The following RELN variants were observed in gnomAD, a reference collection of about 807,000 sequenced individuals.
RELN encodes the protein reelin.
RELN carries 108 observed loss-of-function variants against 427.6 expected under a neutral mutation model. The observed-to-expected ratio is 0.25, with a 90% CI of 0.22 to 0.30. The LOEUF is 0.30. Ranked by LOEUF, RELN falls within the 10% of genes least tolerant of loss-of-function variation. The pLI is 1.00. For synonymous variants in RELN, 1,524 were observed against 1,513.4 expected (o/e 1.01, Z -0.16); for missense variants, 3,715 against 4,302.8 (o/e 0.86, Z 3.82).
At chr7:103,791,750 T>C (rs1792166034) in intron 3 of RELN, among the ~76,000 whole-genome samples, 1 of 148,516 alleles carries the variant, frequency 6.7e-6, no homozygotes, top group African/African-American at 2.5e-5. Flanking sequence ...TTAAAACCTT[T>C]GTGCAACAAA....
chr7:103,736,622 T>TA (rs1308733916), intron 6 of RELN, among the ~76,000 whole-genome samples: 1 of 152,194 alleles, frequency 6.6e-6, no homozygotes, highest in Admixed American at 6.5e-5. Context: ...TTATTTGGGT[T>TA]AAAAATAACA....
At chr7:103,529,341 G>T (rs372095726) in intron 46 of RELN, among the ~76,000 whole-genome samples, 1 of 152,094 alleles carries the variant, frequency 6.6e-6, no homozygotes, top group Admixed American at 6.5e-5. Flanking sequence ...TAAAGAAGGT[G>T]GTATCAGTTA....
chr7:103,886,453 T>A (rs1047794229), intron 2 of RELN, among the ~76,000 whole-genome samples: 4 of 152,196 alleles, frequency 2.6e-5, no homozygotes, highest in African/African-American at 9.6e-5. Context: ...GATTCTGTAC[T>A]AACAAAAGGT....
In RELN at chr7:103,989,334, C is replaced by T. The variant is rs765261158; in HGVS notation, c.23G>A (p.Arg8Gln). Residue 8 changes from arginine (R) to glutamine (Q), a missense_variant, in exon 1 of 65, where the codon CGG (arginine) becomes CAG (glutamine). Arg to Gln is a conservative substitution (Grantham distance 43, BLOSUM62 1). Around this residue, in one of 4 missense-constraint regions of RELN, gnomAD observed 2,208 missense variants for 2,361.7 expected, o/e 0.93. Coordinates refer to ENST00000428762, the MANE Select transcript of RELN (RefSeq NM_005045.4). This position sits in a 1 kb window ranked among gnomAD's most constrained non-coding sequence, Gnocchi z 4.9. ...CAACAGCGCTAGGAGGAAAGTCTGC[C>T]GGGCCCAGCCACTGCGCTCCATGCC... MERSGWARQTFLLALLLG... is the reference protein window; with the variant it reads MERSGWAQQTFLLALLLG... 61 of 1,564,960 alleles carry T rather than the reference C, an allele frequency of 3.9e-5. No individual in the cohort carries two copies. The highest frequency in any genetic ancestry group is 4.8e-5 in the Non-Finnish European group (55 of 1,154,024).
At chr7:103,566,007 A>T (rs925053936) in intron 33 of RELN, among the ~76,000 whole-genome samples, 1 of 152,032 alleles carries the variant, frequency 6.6e-6, no homozygotes, top group Admixed American at 6.6e-5. Context: ...AACCTTACTC[A>T]TATCATTCAT....
At chr7:103,591,681 T>C (rs904865297) in intron 27 of RELN, among the ~76,000 whole-genome samples, 2 of 152,182 alleles carry the variant, frequency 1.3e-5, no homozygotes, top group African/African-American at 4.8e-5. Flanking sequence ...GCACACCTAG[T>C]TAACTTTTTG....
intron 10 of RELN, among the ~76,000 whole-genome samples, chr7:103,693,165 T>C (rs1439491558): frequency 2.0e-5 from 3 of 152,028 alleles, no homozygotes; most frequent in Non-Finnish European, 4.4e-5. Context: ...TATGCAGCCA[T>C]ATGGAAGGAT....
chr7:103,595,067 A>C (rs1048071705), intron 25 of RELN, among the ~76,000 whole-genome samples: 3 of 152,158 alleles, frequency 2.0e-5, no homozygotes, highest in Non-Finnish European at 4.4e-5. Flanking sequence ...GTACATTCTC[A>C]TGTTAGTAAA....
intron 1 of RELN, among the ~76,000 whole-genome samples, chr7:103,936,731 GACAGACAGACAGAC>G (rs1366988972): frequency 1.0e-5 from 1 of 97,134 alleles, no homozygotes; most frequent in Non-Finnish European, 2.0e-5. Context: ...CACACAGACA[GACAGACAGACAGAC>G]ACACACACAC....
At chr7:103,705,110 T>C (rs1327062726) in intron 8 of RELN, among the ~76,000 whole-genome samples, 1 of 152,192 alleles carries the variant, frequency 6.6e-6, no homozygotes, top group African/African-American at 2.4e-5. Context: ...ATTAATTTCA[T>C]TTTTAATTTA....
At chr7:103,726,449 T>C (rs1267588371) in intron 7 of RELN, among the ~76,000 whole-genome samples, 2 of 152,172 alleles carry the variant, frequency 1.3e-5, no homozygotes, top group Non-Finnish European at 2.9e-5. Context: ...ATTTTCCTTT[T>C]TGGTTGAAAG....
intron 4 of RELN, among the ~76,000 whole-genome samples, chr7:103,774,799 T>C (rs898332546): frequency 6.6e-6 from 1 of 152,202 alleles, no homozygotes; most frequent in African/African-American, 2.4e-5. Context: ...TTATCTTGGA[T>C]AGATTGATAT....
At chr7:103,498,366 A>G (rs1828907312) in intron 53 of RELN, 114 bp from the exon 54 acceptor site, 2 of 952,178 alleles carry the variant, frequency 2.1e-6, no homozygotes, top group African/African-American at 1.6e-5. Flanking sequence ...CTGATTTCAA[A>G]TGCTTTTCAA....
intron 8 of RELN, among the ~76,000 whole-genome samples, chr7:103,704,466 C>T (rs776821821): frequency 3.3e-5 from 5 of 152,068 alleles, no homozygotes; most frequent in Non-Finnish European, 2.9e-5. Context: ...ACCATCCTGC[C>T]AGTGTTTTCT....
At chr7:103,738,309 A>G (rs1189929629) in intron 6 of RELN, among the ~76,000 whole-genome samples, 1 of 151,772 alleles carries the variant, frequency 6.6e-6, no homozygotes, top group Non-Finnish European at 1.5e-5. Flanking sequence ...GAAAACTAAA[A>G]TCCATTCATG....
intron 2 of RELN, among the ~76,000 whole-genome samples, chr7:103,876,822 C>T (rs1337725500): frequency 6.7e-6 from 1 of 149,638 alleles, no homozygotes; most frequent in Non-Finnish European, 1.5e-5. Context: ...GGTTAAAAAG[C>T]ACTACTTTAG....
At chr7:103,739,130 C>T (rs751584638) in intron 6 of RELN, among the ~76,000 whole-genome samples, 6 of 152,086 alleles carry the variant, frequency 3.9e-5, no homozygotes, top group Non-Finnish European at 7.4e-5. Flanking sequence ...TTGATGAACA[C>T]CTGGGATGAT....
At chr7:103,610,275 G>A (rs1831919545) in intron 22 of RELN, among the ~76,000 whole-genome samples, 1 of 152,112 alleles carries the variant, frequency 6.6e-6, no homozygotes, top group Admixed American at 6.5e-5. Context: ...ATAGAGAAAG[G>A]GTGTATATTA....
chr7:103,553,773 GT>G lies in RELN; in HGVS notation c.5855del (p.Asn1952ThrfsTer4). The G allele has an allele frequency of 6.2e-7, 1 of 1,613,982 alleles. No individual in the cohort carries two copies. The highest frequency in any genetic ancestry group is 8.5e-7 in the Non-Finnish European group (1 of 1,179,896). ...ATGTATCCAAGAGCATCACAGGGTT[GT>G]TTACATTATTTCCATCGATAATGAA... ...DDFIIDGNNV[N>X]NPVMLLDTFD... On this transcript the variant is annotated frameshift_variant, in exon 39 of 65. Transcript: ENST00000428762. LOFTEE classifies it high-confidence loss of function.
Sources: allele counts gnomAD v4.1 joint callset (sites outside exome capture counted in the v4.1 genomes callset), GRCh38; gene constraint gnomAD v4.1.1; regional missense constraint gnomAD v4.1.1; non-coding constraint Gnocchi (gnomAD v3.1); transcripts MANE v1.5; gene names NCBI Gene and HGNC (gene_info 2026-07-23, HGNC 2026-07-21).